STXBP6: variants seen among roughly 807,000 people sequenced by gnomAD.
STXBP6 encodes syntaxin binding protein 6.
STXBP6 carries 21 observed loss-of-function variants against 26.9 expected under a neutral mutation model. The ratio of observed to expected loss-of-function variants is 0.78; its 90% CI spans 0.55 to 1.12. STXBP6 has a LOEUF of 1.12. Among genes scored for constraint, STXBP6 ranks in the 50% most tolerant of loss-of-function variants. STXBP6 has a pLI of 0.00. For synonymous variants in STXBP6, 97 were observed against 92.6 expected (o/e 1.05, Z -0.27); for missense variants, 232 against 257.9 (o/e 0.90, Z 0.69).
rs1028586386 is a variant in STXBP6 at position 24,839,816 on chromosome 14, T to C, written c.451+16120A>G. On this transcript the variant is annotated intron_variant, in intron 4 of 5. Transcript: ENST00000323944. ...CTAAATAATTTGGCTGAAATCATAA[T>C]GGTAGGCAATAAAAGATGTAGGATT... Among the ~76,000 whole-genome samples the C allele has an allele frequency of 5.3e-5, 8 of 152,306 alleles. 2 individuals are homozygous for C. The highest frequency in any genetic ancestry group is 3.9e-4 in the Admixed American group (6 of 15,304).
intron 2 of STXBP6, among the ~76,000 whole-genome samples, chr14:24,872,309 G>A (rs2069965865): frequency 6.6e-6 from 1 of 152,104 alleles, no homozygotes; most frequent in African/African-American, 2.4e-5. Flanking sequence ...AACCTACATT[G>A]GCAAATCAGG....
chr14:24,975,265 T>G (rs2074015940), intron 1 of STXBP6, among the ~76,000 whole-genome samples: 1 of 152,202 alleles, frequency 6.6e-6, no homozygotes, highest in Non-Finnish European at 1.5e-5. Flanking sequence ...AAGAAATTCT[T>G]TATGCCCCTT....
chr14:24,895,902 TA>T (rs2070974605), intron 2 of STXBP6, among the ~76,000 whole-genome samples: 1 of 152,192 alleles, frequency 6.6e-6, no homozygotes, highest in Admixed American at 6.5e-5. Context: ...CGAGATAGTT[TA>T]TGTAAAGTGA....
intron 1 of STXBP6, among the ~76,000 whole-genome samples, chr14:25,035,291 C>A (rs569446983): frequency 6.6e-6 from 1 of 152,148 alleles, no homozygotes; most frequent in Non-Finnish European, 1.5e-5. Flanking sequence ...ATCCTAGTTA[C>A]ATATCCAGGA....
intron 2 of STXBP6, among the ~76,000 whole-genome samples, chr14:24,914,509 A>G (rs751653112): frequency 1.3e-5 from 2 of 152,174 alleles, no homozygotes; most frequent in African/African-American, 4.8e-5. Context: ...ATTTTCAAAG[A>G]CAGGCTGGTT....
intron 2 of STXBP6, among the ~76,000 whole-genome samples, chr14:24,907,154 T>A (rs1244399453): frequency 6.6e-6 from 1 of 152,082 alleles, no homozygotes; most frequent in Non-Finnish European, 1.5e-5. Flanking sequence ...TCAAAATAGC[T>A]AGAAGAAAAA....
intron 2 of STXBP6, among the ~76,000 whole-genome samples, chr14:24,913,987 T>C (rs544502067): frequency 6.6e-6 from 1 of 152,318 alleles, no homozygotes; most frequent in South Asian, 2.1e-4. Context: ...CTCCAGCAAC[T>C]CAGGCTTAGC....
At chr14:24,845,830 G>A (rs1392060077) in intron 4 of STXBP6, among the ~76,000 whole-genome samples, 2 of 152,148 alleles carry the variant, frequency 1.3e-5, no homozygotes, top group African/African-American at 4.8e-5. Flanking sequence ...AGGCAGGGGT[G>A]TCAGAGACAG....
chr14:24,978,505 C>T (rs2074107524), intron 1 of STXBP6, among the ~76,000 whole-genome samples: 2 of 152,142 alleles, frequency 1.3e-5, no homozygotes, highest in African/African-American at 4.8e-5. Context: ...AGGCTGAGAA[C>T]CCACTGTAAG....
intron 1 of STXBP6, among the ~76,000 whole-genome samples, chr14:25,008,694 C>T (rs2074961208): frequency 6.6e-6 from 1 of 152,168 alleles, no homozygotes; most frequent in Non-Finnish European, 1.5e-5. Context: ...ATAGCAATTA[C>T]ATAATGCTCC....
intron 4 of STXBP6, among the ~76,000 whole-genome samples, chr14:24,850,939 C>G (rs1165307881): frequency 6.6e-6 from 1 of 151,962 alleles, no homozygotes; most frequent in East Asian, 1.9e-4. Flanking sequence ...TAATTTATAC[C>G]TCTTAATGAA....
chr14:24,859,100 A>G (rs539765737), intron 2 of STXBP6, among the ~76,000 whole-genome samples: 2 of 152,306 alleles, frequency 1.3e-5, no homozygotes, highest in South Asian at 4.1e-4. Context: ...TAAGATTCAC[A>G]TCTAAGGAAG....
chr14:24,870,804 C>A (rs183901529), intron 2 of STXBP6, among the ~76,000 whole-genome samples: 2 of 152,276 alleles, frequency 1.3e-5, no homozygotes, highest in East Asian at 1.9e-4. Context: ...CCTCCATTGA[C>A]CCTAGCTGAG....
chr14:25,025,643 C>T (rs530121620), intron 1 of STXBP6, among the ~76,000 whole-genome samples: 1 of 152,112 alleles, frequency 6.6e-6, no homozygotes, highest in East Asian at 1.9e-4. Flanking sequence ...TCATTGCCAC[C>T]GCATCCCTCA....
intron 2 of STXBP6, among the ~76,000 whole-genome samples, chr14:24,867,407 C>G (rs949214143): frequency 6.6e-6 from 1 of 152,044 alleles, no homozygotes; most frequent in Non-Finnish European, 1.5e-5. Context: ...ACAAATGGAT[C>G]AAGACAATAA....
intron 4 of STXBP6, among the ~76,000 whole-genome samples, chr14:24,850,831 G>A (rs960407512): frequency 6.6e-6 from 1 of 152,140 alleles, no homozygotes; most frequent in African/African-American, 2.4e-5. Context: ...AGAACTGAAT[G>A]AGTTAGCTAG....
intron 1 of STXBP6, among the ~76,000 whole-genome samples, chr14:25,010,865 A>C (rs2075012921): frequency 6.6e-6 from 1 of 152,138 alleles, no homozygotes; most frequent in Non-Finnish European, 1.5e-5. Flanking sequence ...GGTGGTGTGG[A>C]GTTTCAAAGC....
intron 1 of STXBP6, among the ~76,000 whole-genome samples, chr14:25,037,038 G>C (rs573762509): frequency 1.3e-5 from 2 of 152,278 alleles, no homozygotes; most frequent in Admixed American, 1.3e-4. Flanking sequence ...TTGCCAGTCA[G>C]GAAGAAAAAG....
At chr14:25,037,456 C>T (rs2075574900) in intron 1 of STXBP6, among the ~76,000 whole-genome samples, 1 of 152,204 alleles carries the variant, frequency 6.6e-6, no homozygotes. Context: ...AATGATAATA[C>T]TCAAAACAGA....
Sources: gnomAD v4.1 joint callset for allele counts (sites outside exome capture counted in the v4.1 genomes callset) on GRCh38, gnomAD v4.1.1 for gene constraint, MANE v1.5 for transcripts, NCBI Gene and HGNC (gene_info 2026-07-23, HGNC 2026-07-21) for gene names.